DCDC1: variants seen among roughly 807,000 people sequenced by gnomAD.
DCDC1 encodes doublecortin domain-containing protein 1.
A neutral mutation model predicts 178.3 loss-of-function variants in DCDC1; 200 were observed. That is an observed-to-expected ratio of 1.12 (90% CI 1.00 to 1.26). The LOEUF (loss-of-function observed/expected upper bound fraction) is 1.26, where lower values mean the gene tolerates loss of function less well. Ranked by LOEUF, DCDC1 falls within the 50% of genes most tolerant of loss-of-function variation. DCDC1 has a pLI of 0.00. For missense variants in DCDC1, 1,983 were observed against 1,749.2 expected (o/e 1.13, Z -2.38); for synonymous variants, 690 against 604.8 (o/e 1.14, Z -2.07).
intron 9 of DCDC1, among the ~76,000 whole-genome samples, chr11:31,209,539 T>G (rs767677045): frequency 3.0e-4 from 45 of 152,298 alleles, no homozygotes; most frequent in Middle Eastern, 3.4e-3. Flanking sequence ...TTTTGAAAAT[T>G]AAAGAATAAA....
intron 1 of DCDC1, among the ~76,000 whole-genome samples, chr11:31,360,799 A>T (rs1055331318): frequency 1.3e-5 from 2 of 152,158 alleles, no homozygotes; most frequent in Admixed American, 1.3e-4. Flanking sequence ...AAGGTAAGGA[A>T]TACCATCAGA....
intron 1 of DCDC1, among the ~76,000 whole-genome samples, chr11:31,335,945 T>C (rs933857974): frequency 5.3e-5 from 8 of 152,242 alleles, no homozygotes; most frequent in African/African-American, 1.9e-4. Context: ...TTTACTTTTT[T>C]AGTGTTGTTC....
At chr11:31,341,400 T>TAGAC (rs1950534139) in intron 1 of DCDC1, among the ~76,000 whole-genome samples, 2 of 140,450 alleles carry the variant, frequency 1.4e-5, no homozygotes, top group Admixed American at 1.5e-4. Flanking sequence ...GATAGATAGA[T>TAGAC]AGATAGATAG....
intron 8 of DCDC1, chr11:31,262,964 C>T: frequency 7.1e-7 from 1 of 1,414,656 alleles, no homozygotes; most frequent in Non-Finnish European, 9.7e-7. Flanking sequence ...GAGGGCAAGG[C>T]ATGCATTAAA....
At chr11:31,299,417 T>C (rs1947935209) in intron 6 of DCDC1, among the ~76,000 whole-genome samples, 1 of 152,210 alleles carries the variant, frequency 6.6e-6, no homozygotes, top group South Asian at 2.1e-4. Context: ...AAATAAGTTA[T>C]GGCAGCTTAA....
intron 20 of DCDC1, among the ~76,000 whole-genome samples, chr11:30,994,105 G>A (rs747938244): frequency 1.3e-5 from 2 of 151,934 alleles, no homozygotes; most frequent in Non-Finnish European, 2.9e-5. Context: ...AACATCATAC[G>A]ACCAAGTGAG....
At chr11:31,073,857 T>A (rs1389062535) in intron 18 of DCDC1, among the ~76,000 whole-genome samples, 1 of 152,202 alleles carries the variant, frequency 6.6e-6, no homozygotes, top group Admixed American at 6.5e-5. Flanking sequence ...AACAAATAAC[T>A]ATTCAGGGAA....
intron 21 of DCDC1, chr11:30,944,094 C>T: frequency 4.0e-6 from 1 of 248,202 alleles, no homozygotes. Flanking sequence ...ACAATCAGCC[C>T]AGCTGATCTT....
intron 6 of DCDC1, among the ~76,000 whole-genome samples, chr11:31,301,437 G>C (rs539170392): frequency 3.9e-5 from 6 of 152,290 alleles, no homozygotes; most frequent in Admixed American, 6.5e-5. Flanking sequence ...GTTCTGTCTT[G>C]AGATCTAGCA....
chr11:30,958,021 GTCCCA>G (rs1454709721), intron 20 of DCDC1, among the ~76,000 whole-genome samples: 1 of 152,178 alleles, frequency 6.6e-6, no homozygotes, highest in East Asian at 1.9e-4. Flanking sequence ...TACATTTATA[GTCCCA>G]CTTGGATGTG....
intron 9 of DCDC1, among the ~76,000 whole-genome samples, chr11:31,173,901 G>C (rs1435426437): frequency 6.6e-6 from 1 of 152,176 alleles, no homozygotes; most frequent in Non-Finnish European, 1.5e-5. Flanking sequence ...TAAATGATGA[G>C]AGTGGCGGCC....
chr11:31,250,180 G>A (rs944739699), intron 8 of DCDC1, among the ~76,000 whole-genome samples: 1 of 151,594 alleles, frequency 6.6e-6, no homozygotes, highest in African/African-American at 2.4e-5. Context: ...CAAAGTAGGA[G>A]AACATGTAAT....
At chr11:31,175,074 A>G (rs1233624730) in intron 9 of DCDC1, among the ~76,000 whole-genome samples, 2 of 152,222 alleles carry the variant, frequency 1.3e-5, no homozygotes, top group African/African-American at 4.8e-5. Context: ...AGGCCCTTCA[A>G]GGAGCCCAGA....
chr11:31,251,571 C>T (rs1944034538), intron 8 of DCDC1, among the ~76,000 whole-genome samples: 1 of 151,838 alleles, frequency 6.6e-6, no homozygotes, highest in Non-Finnish European at 1.5e-5. Context: ...TCCATAATCA[C>T]GTGAACCAAT....
At position 30,956,411 on chromosome 11, in the gene DCDC1, T is replaced by G. The variant is rs1208874827; in HGVS notation, c.2592-3843A>C. On this transcript the variant is annotated intron_variant, in intron 20 of 38. Coordinates refer to ENST00000684477, the MANE Select transcript of DCDC1 (RefSeq NM_001387274.1). ...AATATCTCAAGTAGGGAAACTCTGA[T>G]TTTTTTTATGTTGTTCACTATTTTG... Among the ~76,000 whole-genome samples, 5 of 152,152 alleles carry G rather than the reference T, an allele frequency of 3.3e-5. No homozygotes were observed. The East Asian group carries it at 7.7e-4, about 23-fold the overall frequency.
chr11:31,366,337 G>C (rs1951955993), intron 1 of DCDC1, among the ~76,000 whole-genome samples: 1 of 152,206 alleles, frequency 6.6e-6, no homozygotes, highest in South Asian at 2.1e-4. Context: ...TGTATCATTA[G>C]AACTCCAGAG....
At chr11:31,120,551 A>C (rs1361833952) in intron 11 of DCDC1, among the ~76,000 whole-genome samples, 4 of 152,022 alleles carry the variant, frequency 2.6e-5, no homozygotes, top group African/African-American at 9.7e-5. Flanking sequence ...TTTCAAAGAG[A>C]GCTCCCCACC....
intron 1 of DCDC1, among the ~76,000 whole-genome samples, chr11:31,335,844 G>A (rs548620442): frequency 6.6e-6 from 1 of 152,058 alleles, no homozygotes; most frequent in Non-Finnish European, 1.5e-5. Flanking sequence ...TCTCTGAAGT[G>A]GCCCACTAAG....
chr11:31,003,480 T>C (rs184196347), intron 20 of DCDC1, among the ~76,000 whole-genome samples: 97 of 152,252 alleles, frequency 6.4e-4, no homozygotes, highest in African/African-American at 2.2e-3. Context: ...ATGGGGAATG[T>C]GAAGCACATC....
Sources: allele counts gnomAD v4.1 joint callset (sites outside exome capture counted in the v4.1 genomes callset), GRCh38; gene constraint gnomAD v4.1.1; transcripts MANE v1.5; gene names NCBI Gene and HGNC (gene_info 2026-07-23, HGNC 2026-07-21).